Variants in PTPRM observed in about 807,000 individuals in gnomAD.
The protein encoded by PTPRM is protein tyrosine phosphatase receptor type M, also known as receptor-type tyrosine-protein phosphatase mu.
In PTPRM, 47 loss-of-function variants were observed where a neutral mutation model predicts 186.7. That is an observed-to-expected ratio of 0.25 (90% CI 0.20 to 0.32). The LOEUF (loss-of-function observed/expected upper bound fraction) is 0.32. Among genes scored for constraint, PTPRM ranks in the 10% least tolerant of loss-of-function variants. The probability of loss-of-function intolerance (pLI) is 1.00; values close to 1 mark genes in which losing one functional copy is unlikely to be tolerated. For synonymous variants in PTPRM, 668 were observed against 674.9 expected (o/e 0.99, Z 0.16); for missense variants, 1,494 against 1,865.0 (o/e 0.80, Z 3.66).
At chr18:7,976,391 A>T (rs918821086) in intron 7 of PTPRM, among the ~76,000 whole-genome samples, 1 of 152,180 alleles carries the variant, frequency 6.6e-6, no homozygotes, top group East Asian at 1.9e-4. Flanking sequence ...ATATGCCATT[A>T]TATAGTTTCC....
chr18:8,108,944 A>C (rs1600618404), intron 11 of PTPRM, among the ~76,000 whole-genome samples: 2 of 152,336 alleles, frequency 1.3e-5, no homozygotes, highest in Admixed American at 1.3e-4. Context: ...CAACTCATTA[A>C]AAGGATAATA....
chr18:8,291,084 A>T (rs2095037946), intron 19 of PTPRM, among the ~76,000 whole-genome samples: 1 of 152,162 alleles, frequency 6.6e-6, no homozygotes, highest in South Asian at 2.1e-4. Flanking sequence ...TGCAGATGGG[A>T]TGTCCTCAGG....
intron 8 of PTPRM, among the ~76,000 whole-genome samples, chr18:8,070,530 G>A (rs141896232): frequency 2.8e-4 from 43 of 152,226 alleles, no homozygotes; most frequent in African/African-American, 9.1e-4. Context: ...TGTTGAAACC[G>A]GATGTTACTT....
At chr18:7,697,300 C>T (rs2039866218) in intron 1 of PTPRM, among the ~76,000 whole-genome samples, 1 of 152,164 alleles carries the variant, frequency 6.6e-6, no homozygotes, top group Admixed American at 6.6e-5. Flanking sequence ...TACCTCGGTA[C>T]CTGGTTATTT....
intron 1 of PTPRM, among the ~76,000 whole-genome samples, chr18:7,730,847 G>A (rs1212187127): frequency 6.6e-6 from 1 of 152,268 alleles, no homozygotes; most frequent in Non-Finnish European, 1.5e-5. Flanking sequence ...ACAATACCGA[G>A]GGACTTATTC....
chr18:8,081,831 C>G (rs911438272), intron 9 of PTPRM, among the ~76,000 whole-genome samples: 1 of 152,100 alleles, frequency 6.6e-6, no homozygotes, highest in African/African-American at 2.4e-5. Flanking sequence ...GGGAGAGGAT[C>G]TGTAATTTTT....
chr18:8,016,191 A>G (rs942643318), intron 7 of PTPRM, among the ~76,000 whole-genome samples: 4 of 152,176 alleles, frequency 2.6e-5, no homozygotes, highest in African/African-American at 9.6e-5. Context: ...GCTTCTGAAT[A>G]TTTGACATAA....
intron 14 of PTPRM, among the ~76,000 whole-genome samples, chr18:8,158,096 C>A (rs1157078512): frequency 6.6e-6 from 1 of 152,226 alleles, no homozygotes; most frequent in Non-Finnish European, 1.5e-5. Flanking sequence ...CCTACTGATT[C>A]CTCATTTGAA....
At chr18:7,675,958 A>G (rs968474901) in intron 1 of PTPRM, among the ~76,000 whole-genome samples, 66 of 151,968 alleles carry the variant, frequency 4.3e-4, no homozygotes, top group African/African-American at 8.5e-4. Flanking sequence ...GTTGGTCTTG[A>G]ACTCCTGATC....
intron 21 of PTPRM, among the ~76,000 whole-genome samples, chr18:8,318,709 G>A (rs1468673855): frequency 6.6e-6 from 1 of 152,210 alleles, no homozygotes; most frequent in African/African-American, 2.4e-5. Context: ...TGCTACAGTA[G>A]CATGTCATGG....
At chr18:8,297,167 C>T (rs865821710) in intron 20 of PTPRM, among the ~76,000 whole-genome samples, 2 of 152,294 alleles carry the variant, frequency 1.3e-5, no homozygotes, top group Middle Eastern at 6.8e-3. Context: ...TCCATGACTG[C>T]ATCAAGGCAC....
At chr18:7,834,867 G>A (rs568826265) in intron 2 of PTPRM, among the ~76,000 whole-genome samples, 1 of 151,318 alleles carries the variant, frequency 6.6e-6, no homozygotes, top group African/African-American at 2.4e-5. Flanking sequence ...GGATTTGTTC[G>A]TTTCTTCTAG....
At chr18:8,268,537 C>T (rs1210065370) in intron 19 of PTPRM, among the ~76,000 whole-genome samples, 1 of 151,926 alleles carries the variant, frequency 6.6e-6, no homozygotes. Flanking sequence ...CAGATGCTTC[C>T]AAAAAAGTTG....
intron 7 of PTPRM, among the ~76,000 whole-genome samples, chr18:7,996,042 A>G (rs1339357975): frequency 6.6e-6 from 1 of 152,128 alleles, no homozygotes; most frequent in Non-Finnish European, 1.5e-5. Context: ...GATTTCAGAA[A>G]GTTCATTATT....
rs1182740403 is a variant in PTPRM, at chr18:7,984,594, T to TAC, written c.1132+29181_1132+29182insCA. ...CCCCATATATATATATATATATATA[T>TAC]ATATATATACACACACACACACACA... On this transcript the variant is annotated intron_variant, in intron 7 of 32. Coordinates refer to ENST00000580170, the MANE Select transcript of PTPRM (RefSeq NM_001105244.2). Among the ~76,000 whole-genome samples the TAC allele has an allele frequency of 5.8e-3, 696 of 120,132 alleles. 9 individuals carry two copies. Among genetic ancestry groups the TAC allele is most frequent in the African/African-American group, 0.021 (622 of 29,926 alleles). The allele number at this position is 120,132 out of a possible 152,430, so 78.8% of individuals were successfully genotyped here.
chr18:7,723,267 A>G (rs73391565), intron 1 of PTPRM, among the ~76,000 whole-genome samples: 6,595 of 152,302 alleles, frequency 0.043, 459 homozygotes, highest in African/African-American at 0.14. Context: ...TTTCTTGAAC[A>G]TCCTGTTTTC....
chr18:8,378,046 C>T (rs370703868), intron 26 of PTPRM: 2 of 479,322 alleles, frequency 4.2e-6, no homozygotes, highest in East Asian at 3.4e-5. Context: ...CATGGTGCTG[C>T]AGTGCGTGTG....
chr18:8,005,632 G>A (rs1402038658), intron 7 of PTPRM, among the ~76,000 whole-genome samples: 1 of 152,138 alleles, frequency 6.6e-6, no homozygotes, highest in East Asian at 1.9e-4. Flanking sequence ...CCCACCTCCA[G>A]CAGTATTTTT....
chr18:8,144,498 T>G (rs1437433024), intron 14 of PTPRM, among the ~76,000 whole-genome samples: 1 of 152,116 alleles, frequency 6.6e-6, no homozygotes, highest in Non-Finnish European at 1.5e-5. Flanking sequence ...GGCACACACC[T>G]GTAGTCTCAG....
Sources: gnomAD v4.1 joint callset for allele counts (sites outside exome capture counted in the v4.1 genomes callset) on GRCh38, gnomAD v4.1.1 for gene constraint, MANE v1.5 for transcripts, NCBI Gene and HGNC (gene_info 2026-07-23, HGNC 2026-07-21) for gene names.